Variants in TRAIP observed in about 807,000 individuals in gnomAD.
TRAIP encodes TRAF interacting protein.
Under a neutral mutation model 65.0 loss-of-function variants are expected in TRAIP, and 37 were observed. The observed-to-expected ratio is 0.57, with a 90% CI of 0.44 to 0.75. TRAIP has a LOEUF of 0.75. TRAIP is among the 30% of genes least tolerant of loss of function. TRAIP has a pLI of 0.00. For missense variants in TRAIP, 481 were observed against 579.4 expected (o/e 0.83, Z 1.74); for synonymous variants, 187 against 219.1 (o/e 0.85, Z 1.29).
intron 7 of TRAIP, 116 bp from the exon 8 acceptor site, chr3:49,841,188 CTT>C: frequency 1.2e-6 from 1 of 843,506 alleles, no homozygotes; most frequent in Non-Finnish European, 2.0e-6. Context: ...CTCATTCCTA[CTT>C]TGACACCTGA....
intron 1 of TRAIP, among the ~76,000 whole-genome samples, chr3:49,852,742 G>A (rs1443157729): frequency 1.3e-5 from 2 of 150,328 alleles, no homozygotes; most frequent in East Asian, 2.0e-4. Context: ...GTGACACAGC[G>A]AGACTCCGTC....
intron 2 of TRAIP, among the ~76,000 whole-genome samples, 187 bp from the exon 3 acceptor site, chr3:49,847,795 C>G (rs2081898239): frequency 6.6e-6 from 1 of 152,186 alleles, no homozygotes; most frequent in South Asian, 2.1e-4. Flanking sequence ...CAAGTTGGGG[C>G]TGCTGGTTTC....
At chr3:49,843,731 A>C (rs919955781) in intron 5 of TRAIP, 70 bp downstream of exon 5, 2 of 1,571,046 alleles carry the variant, frequency 1.3e-6, no homozygotes, top group Non-Finnish European at 1.7e-6. Flanking sequence ...AGATAAGCCC[A>C]GAATGGGGAG....
At position 49,844,452 on chromosome 3, in the gene TRAIP, A is replaced by G. The variant is rs953081289; in HGVS notation, c.280+89T>C. On this transcript the variant is annotated intron_variant, in intron 4 of 14. Transcript: ENST00000331456. ...AGCAGGGAAAGGCCCTGGCTCTCCC[A>G]AACGGTTTGAAACCTTCCTCCTAGG... 17 of 1,469,500 alleles carry G rather than the reference A, an allele frequency of 1.2e-5. No homozygotes were observed. The African/African-American group carries it at 2.2e-4, about 19-fold the overall frequency. 91.0% of individuals were successfully genotyped at this position (1,469,500 alleles called of 1,614,324 possible). A position where few individuals can be genotyped will look rare whatever the true frequency, so the allele number is the denominator to read the frequency against.
chr3:49,837,129 G>C (rs775434874), intron 10 of TRAIP, among the ~76,000 whole-genome samples: 4 of 151,966 alleles, frequency 2.6e-5, no homozygotes, highest in Non-Finnish European at 5.9e-5. Flanking sequence ...GACCTCTGTA[G>C]TAACACATTA....
chr3:49,836,209 G>A (rs1218751222), intron 10 of TRAIP, among the ~76,000 whole-genome samples: 1 of 152,048 alleles, frequency 6.6e-6, no homozygotes, highest in Non-Finnish European at 1.5e-5. Context: ...AAATGGTGGT[G>A]GCTGGGTGTG....
chr3:49,833,041 C>G (rs951217208), intron 10 of TRAIP, among the ~76,000 whole-genome samples: 3 of 152,266 alleles, frequency 2.0e-5, no homozygotes, highest in African/African-American at 7.2e-5. Context: ...CTGTCCCCGC[C>G]TGCAAGTTAA....
chr3:49,832,089 G>C lies in TRAIP; in HGVS notation c.885-21C>G, dbSNP rs540515867. The stretch of plus-strand genomic sequence containing the variant: ...CTGGGCTGAAGGCAGAGATGACCTG[G>C]TTACTTGGGGCCACAGTGGTAACCC... On this transcript the variant is annotated intron_variant, in intron 10 of 14. Transcript: ENST00000331456. 5 of 1,558,220 alleles carry C rather than the reference G, an allele frequency of 3.2e-6. No individual in the cohort carries two copies. In the South Asian group the frequency reaches 4.8e-5, roughly 15 times the overall value.
chr3:49,849,264 C>A (rs2081911404), intron 1 of TRAIP, among the ~76,000 whole-genome samples: 1 of 152,002 alleles, frequency 6.6e-6, no homozygotes, highest in African/African-American at 2.4e-5. Flanking sequence ...CCCACCTCAG[C>A]CTCCCAAAGT....
chr3:49,844,505 G>A (rs1187116285), intron 4 of TRAIP, 36 bp downstream of exon 4: 1 of 1,612,012 alleles, frequency 6.2e-7, no homozygotes, highest in Admixed American at 1.7e-5. Context: ...TCCAAGTCAG[G>A]GGCTTCCCAG....
rs1320583788 is a variant in TRAIP at position 49,848,103 on chromosome 3, G to A, written c.156+40C>T. The A allele has an allele frequency of 3.7e-6, 6 of 1,607,736 alleles. No homozygotes were observed. The African/African-American group carries it at 8.0e-5, about 21-fold the overall frequency. ...TCACATTCCTGCTCTCTGCTAAGGAGATCTCTTCAGTTGAGGTGGTCCCAC... is the reference window on the plus strand; with the variant it reads ...TCACATTCCTGCTCTCTGCTAAGGAAATCTCTTCAGTTGAGGTGGTCCCAC... On this transcript the variant is annotated intron_variant, in intron 2 of 14. Coordinates refer to ENST00000331456, the MANE Select transcript of TRAIP (RefSeq NM_005879.3).
chr3:49,848,077 T>G, intron 2 of TRAIP, 66 bp downstream of exon 2: 1 of 1,583,488 alleles, frequency 6.3e-7, no homozygotes. Context: ...CAGAGCTCTT[T>G]TCACATTCCT....
At chr3:49,840,462 T>A in intron 8 of TRAIP, 89 bp from the exon 9 acceptor site, 1 of 1,120,676 alleles carries the variant, frequency 8.9e-7, no homozygotes, top group Non-Finnish European at 1.3e-6. Context: ...GTGATCAAGG[T>A]AGCCCAGAAG....
chr3:49,836,676 G>T (rs2081790303), intron 10 of TRAIP, among the ~76,000 whole-genome samples: 1 of 152,114 alleles, frequency 6.6e-6, no homozygotes. Flanking sequence ...CAAAAAATTA[G>T]TTGGGCGTGG....
At position 49,832,212 on chromosome 3, in the gene TRAIP, G is replaced by A. The variant is rs2081740431; in HGVS notation, c.885-144C>T. 4 of 963,282 alleles carry A rather than the reference G, an allele frequency of 4.2e-6. No homozygotes were observed. The South Asian group carries it at 1.0e-4, about 25-fold the overall frequency. 59.7% of individuals were successfully genotyped at this position (963,282 alleles called of 1,614,324 possible). On this transcript the variant is annotated intron_variant, in intron 10 of 14. Transcript: ENST00000331456. Reference sequence around the variant, plus strand: ...ACCCCTCAAGAGAGCCCTACTCTCGGCCAGGCACAGTGGCTCACGCCTGTA... The same window carrying A: ...ACCCCTCAAGAGAGCCCTACTCTCGACCAGGCACAGTGGCTCACGCCTGTA...
At chr3:49,830,731 T>C (rs2081723726) in intron 11 of TRAIP, among the ~76,000 whole-genome samples, 2 of 152,192 alleles carry the variant, frequency 1.3e-5, no homozygotes, top group Admixed American at 1.3e-4. Flanking sequence ...CCTGGCATTT[T>C]CCCTGGTGGG....
At chr3:49,843,753 G>A (rs1252503779) in intron 5 of TRAIP, 48 bp downstream of exon 5, 2 of 1,589,172 alleles carry the variant, frequency 1.3e-6, no homozygotes, top group East Asian at 2.3e-5. Flanking sequence ...CCAGTTCTGG[G>A]GCAATACCTC....
intron 3 of TRAIP, among the ~76,000 whole-genome samples, chr3:49,845,614 G>T (rs754668830): frequency 1.3e-5 from 2 of 152,158 alleles, no homozygotes; most frequent in African/African-American, 2.4e-5. Flanking sequence ...GGAAGAGCAC[G>T]CAAGGGCTGC....
intron 1 of TRAIP, among the ~76,000 whole-genome samples, chr3:49,852,546 G>C (rs2081941856): frequency 6.6e-6 from 1 of 151,538 alleles, no homozygotes; most frequent in Admixed American, 6.6e-5. Context: ...ATGAGGTCAG[G>C]AGATCAAGAC....
Sources: gnomAD v4.1 joint callset for allele counts (sites outside exome capture counted in the v4.1 genomes callset) on GRCh38, gnomAD v4.1.1 for gene constraint, MANE v1.5 for transcripts, NCBI Gene and HGNC (gene_info 2026-07-23, HGNC 2026-07-21) for gene names.